The following ORC4 variants were observed in gnomAD, a reference collection of about 807,000 sequenced individuals.
ORC4 encodes the protein origin recognition complex, subunit 4 homolog.
A neutral mutation model predicts 63.9 loss-of-function variants in ORC4; 55 were observed. The observed-to-expected ratio is 0.86, with a 90% CI of 0.69 to 1.08. ORC4 has a LOEUF of 1.08. ORC4 is among the 50% of genes least tolerant of loss of function. ORC4 has a pLI of 0.00. For synonymous variants in ORC4, 150 were observed against 168.5 expected, an observed-to-expected ratio of 0.89 and a Z score of 0.85; for missense variants, 511 against 504.4, an observed-to-expected ratio of 1.01 and a Z score of -0.13.
chr2:148,005,673 A>AC (rs1230463815), intron 1 of ORC4, among the ~76,000 whole-genome samples: 3 of 150,322 alleles, frequency 2.0e-5, no homozygotes, highest in Non-Finnish European at 4.4e-5. Flanking sequence ...AAAAAAAAAA[A>AC]AAAAAAACAA....
At chr2:147,971,392 C>A (rs1447227238) in intron 4 of ORC4, among the ~76,000 whole-genome samples, 1 of 151,294 alleles carries the variant, frequency 6.6e-6, no homozygotes, top group Non-Finnish European at 1.5e-5. Context: ...AACTGAAAAT[C>A]AGAAATATAA....
intron 1 of ORC4, among the ~76,000 whole-genome samples, chr2:147,977,120 T>C (rs542384160): frequency 6.6e-6 from 1 of 152,318 alleles, no homozygotes; most frequent in South Asian, 2.1e-4. Context: ...GAATAACTAC[T>C]ATTATAATCC....
At chr2:147,974,316 T>A (rs1435768368) in intron 2 of ORC4, among the ~76,000 whole-genome samples, 2 of 152,058 alleles carry the variant, frequency 1.3e-5, no homozygotes, top group Non-Finnish European at 2.9e-5. Context: ...GACAATAACA[T>A]CTTATGGCAG....
chr2:147,962,086 T>C (rs1689630171), intron 4 of ORC4, among the ~76,000 whole-genome samples: 1 of 151,976 alleles, frequency 6.6e-6, no homozygotes, highest in South Asian at 2.1e-4. Context: ...TGACTGAAAA[T>C]CCAGGAGGGT....
intron 1 of ORC4, among the ~76,000 whole-genome samples, chr2:148,016,500 C>G (rs1693298672): frequency 6.6e-6 from 1 of 152,204 alleles, no homozygotes; most frequent in Non-Finnish European, 1.5e-5. Context: ...CACTGCACAA[C>G]CAACACTTCA....
intron 1 of ORC4, among the ~76,000 whole-genome samples, chr2:147,988,789 A>C (rs1055408243): frequency 1.4e-3 from 113 of 82,804 alleles, no homozygotes; most frequent in African/African-American, 4.1e-3. Flanking sequence ...AAAAAACAAA[A>C]AGCAAAAAAA....
chr2:148,014,607 A>T (rs1432336591), intron 1 of ORC4, among the ~76,000 whole-genome samples: 1 of 152,220 alleles, frequency 6.6e-6, no homozygotes, highest in African/African-American at 2.4e-5. Flanking sequence ...CAACAAATGA[A>T]CTATGAATAT....
chr2:147,982,366 A>G (rs1305004299), intron 1 of ORC4, among the ~76,000 whole-genome samples: 1 of 152,244 alleles, frequency 6.6e-6, no homozygotes, highest in Non-Finnish European at 1.5e-5. Context: ...CTCCTAGATT[A>G]TAAGACTAAT....
intron 4 of ORC4, among the ~76,000 whole-genome samples, chr2:147,960,642 T>A (rs1310805171): frequency 6.6e-6 from 1 of 152,214 alleles, no homozygotes; most frequent in South Asian, 2.1e-4. Flanking sequence ...AATATTATAA[T>A]AAACACAGGT....
chr2:147,993,849 T>C (rs1691775650), intron 1 of ORC4, among the ~76,000 whole-genome samples: 1 of 152,180 alleles, frequency 6.6e-6, no homozygotes, highest in Non-Finnish European at 1.5e-5. Context: ...TGATCAACTA[T>C]GAAGAAATAG....
At chr2:148,016,070 T>C (rs183048937) in intron 1 of ORC4, among the ~76,000 whole-genome samples, 67 of 152,254 alleles carry the variant, frequency 4.4e-4, no homozygotes, top group African/African-American at 1.5e-3. Flanking sequence ...TTGAAGCAAA[T>C]TGAAAAGGTG....
intron 4 of ORC4, among the ~76,000 whole-genome samples, chr2:147,965,596 A>G (rs2627023): frequency 0.085 from 12,998 of 152,222 alleles, 1,576 homozygotes; most frequent in African/African-American, 0.27. Flanking sequence ...TTAGATCTAA[A>G]GAGAGATAAA....
chr2:148,021,357 C>T, upstream of ORC4: 1 of 433,442 alleles, frequency 2.3e-6, no homozygotes, highest in South Asian at 1.8e-5. Flanking sequence ...ACCCCCTCAC[C>T]CCTCCAACTC....
intron 4 of ORC4, among the ~76,000 whole-genome samples, chr2:147,961,717 C>T (rs1014570235): frequency 6.6e-6 from 1 of 152,122 alleles, no homozygotes; most frequent in Admixed American, 6.5e-5. Context: ...CTGCAAGGCA[C>T]CACAATAGGG....
chr2:148,017,434 G>A (rs1335358202), intron 1 of ORC4, among the ~76,000 whole-genome samples: 7 of 152,218 alleles, frequency 4.6e-5, no homozygotes, highest in Admixed American at 4.6e-4. Flanking sequence ...CACTTTGGAA[G>A]CCCAAGGTGG....
chr2:147,944,378 G>A (rs1450646482), intron 9 of ORC4, among the ~76,000 whole-genome samples: 1 of 152,066 alleles, frequency 6.6e-6, no homozygotes, highest in Non-Finnish European at 1.5e-5. Context: ...CTAAGACAGA[G>A]TAGAGATCTA....
At chr2:148,005,711 G>A (rs1350901157) in intron 1 of ORC4, among the ~76,000 whole-genome samples, 4 of 150,134 alleles carry the variant, frequency 2.7e-5, no homozygotes, top group African/African-American at 9.8e-5. Context: ...TGGCACAGTG[G>A]TACATGCCCA....
At chr2:147,952,347 T>A in intron 8 of ORC4, 26 bp downstream of exon 8, 1 of 1,512,102 alleles carries the variant, frequency 6.6e-7, no homozygotes, top group East Asian at 2.3e-5. Context: ...TTATAATCAA[T>A]TTTTTTAATG....
In ORC4 at chr2:148,001,361, C is replaced by T. The variant is rs1278406246; in HGVS notation, c.-18+19272G>A. ...TAACTTGGCTTCTTATACTGCAGAG[C>T]CGAATGTTATTTTAGAAATTTAAAG... On this transcript the variant is annotated intron_variant, in intron 1 of 13. Transcript: ENST00000392857. Among the ~76,000 whole-genome samples, 4 of 151,814 alleles carry T rather than the reference C, an allele frequency of 2.6e-5. No individual in the cohort carries two copies. The East Asian group carries it at 7.7e-4, about 29-fold the overall frequency.
Sources: allele counts gnomAD v4.1 joint callset (sites outside exome capture counted in the v4.1 genomes callset), GRCh38; gene constraint gnomAD v4.1.1; transcripts MANE v1.5; gene names NCBI Gene and HGNC (gene_info 2026-07-23, HGNC 2026-07-21).